The following OSBP2 variants were observed in gnomAD, a reference collection of about 807,000 sequenced individuals.
OSBP2 encodes oxysterol-binding protein 2.
Under a neutral mutation model 96.0 loss-of-function variants are expected in OSBP2, and 66 were observed. The observed-to-expected ratio is 0.69, with a 90% CI of 0.56 to 0.84. OSBP2 has a LOEUF of 0.84. Among genes scored for constraint, OSBP2 ranks in the 40% least tolerant of loss-of-function variants. OSBP2 has a pLI of 0.00. For synonymous variants in OSBP2, 525 were observed against 520.9 expected, an observed-to-expected ratio of 1.01 and a Z score of -0.11; for missense variants, 1,038 against 1,222.7, an observed-to-expected ratio of 0.85 and a Z score of 2.25.
chr22:30,858,389 A>T (rs557032950), intron 2 of OSBP2, among the ~76,000 whole-genome samples: 4 of 147,324 alleles, frequency 2.7e-5, no homozygotes, highest in African/African-American at 7.6e-5. Flanking sequence ...CTCATGATCC[A>T]CCCACCTCGG....
rs530023546 is a variant in OSBP2, at chr22:30,810,613, A to G, written c.854-59816A>G. On this transcript the variant is annotated intron_variant, in intron 2 of 13. Transcript: ENST00000332585. ...GTGAGGTGAGGCCTGCAGCCTGGCC[A>G]GAAGACAGGTACTATACCTGAGCCC... is the stretch of plus-strand genomic sequence containing the variant. Among the ~76,000 whole-genome samples the G allele has an allele frequency of 1.4e-4, 22 of 152,308 alleles. No homozygotes were observed. In the South Asian group the frequency reaches 2.3e-3, roughly 16 times the overall value.
At chr22:30,899,924 C>T (rs1462094330) in intron 12 of OSBP2, among the ~76,000 whole-genome samples, 1 of 152,082 alleles carries the variant, frequency 6.6e-6, no homozygotes, top group Non-Finnish European at 1.5e-5. Context: ...ATACGAAAGC[C>T]AGTTGCATTT....
At chr22:30,773,644 A>T (rs1022301413) in intron 2 of OSBP2, among the ~76,000 whole-genome samples, 2 of 152,140 alleles carry the variant, frequency 1.3e-5, no homozygotes, top group Non-Finnish European at 2.9e-5. Flanking sequence ...GAGAGACTGC[A>T]TGAATGAATG....
At chr22:30,701,344 C>CTTTTTT (rs1228654999) in intron 1 of OSBP2, among the ~76,000 whole-genome samples, 30 of 127,946 alleles carry the variant, frequency 2.3e-4, no homozygotes, top group South Asian at 7.7e-4. Flanking sequence ...TTTTTCTTTT[C>CTTTTTT]TTTTTTTTTT....
chr22:30,695,589 G>T, intron 1 of OSBP2, 36 bp downstream of exon 1: 1 of 1,574,344 alleles, frequency 6.4e-7, no homozygotes, highest in South Asian at 1.2e-5. Context: ...GGGGGTTGGA[G>T]GGTGGTGATG....
At chr22:30,898,676 A>C (rs917796319) in intron 12 of OSBP2, among the ~76,000 whole-genome samples, 1 of 152,018 alleles carries the variant, frequency 6.6e-6, no homozygotes, top group South Asian at 2.1e-4. Flanking sequence ...AACCACCCCC[A>C]TGGTCCAATC....
chr22:30,906,467 T>A lies in OSBP2; in HGVS notation c.*128T>A. ...AGCCCTTCCTATTTCCTTTCCTATT[T>A]TTTTTTTCTCCCCACACTTTCTTGG... On this transcript the variant is annotated 3_prime_UTR_variant, in exon 14 of 14. Coordinates refer to ENST00000332585, the MANE Select transcript of OSBP2 (RefSeq NM_030758.4). 8.3e-7 allele frequency: 1 copy of A among 1,200,350 alleles called. No individual in the cohort carries two copies. The highest frequency in any genetic ancestry group is 1.1e-6 in the Non-Finnish European group (1 of 904,878). 74.4% of individuals were successfully genotyped at this position (1,200,350 alleles called of 1,614,324 possible). A position where few individuals can be genotyped will look rare whatever the true frequency, so the allele number is the denominator to read the frequency against.
intron 2 of OSBP2, among the ~76,000 whole-genome samples, chr22:30,832,348 T>A (rs2038540814): frequency 6.6e-6 from 1 of 151,920 alleles, no homozygotes; most frequent in Non-Finnish European, 1.5e-5. Context: ...TGGAGTGCAG[T>A]GGCATGATCA....
At chr22:30,843,055 A>AC (rs2038787538) in intron 2 of OSBP2, among the ~76,000 whole-genome samples, 1 of 152,140 alleles carries the variant, frequency 6.6e-6, no homozygotes, top group African/African-American at 2.4e-5. Flanking sequence ...AAGTGCTGGG[A>AC]TTACAGGTGT....
intron 2 of OSBP2, among the ~76,000 whole-genome samples, chr22:30,793,284 G>A (rs973869466): frequency 6.6e-6 from 1 of 152,096 alleles, no homozygotes; most frequent in African/African-American, 2.4e-5. Flanking sequence ...CAGCTACTCA[G>A]GAGGCTGAGG....
chr22:30,761,914 C>T (rs1194095334), intron 2 of OSBP2, among the ~76,000 whole-genome samples: 1 of 152,188 alleles, frequency 6.6e-6, no homozygotes, highest in Non-Finnish European at 1.5e-5. Flanking sequence ...TTGATTTATA[C>T]TTCTTATTTA....
At chr22:30,776,372 G>A (rs904169573) in intron 2 of OSBP2, among the ~76,000 whole-genome samples, 2 of 151,992 alleles carry the variant, frequency 1.3e-5, no homozygotes, top group African/African-American at 2.4e-5. Context: ...CGATCTGCCC[G>A]CCCCTGCCTC....
chr22:30,886,108 C>T (rs2039803476), intron 3 of OSBP2, among the ~76,000 whole-genome samples: 1 of 152,240 alleles, frequency 6.6e-6, no homozygotes, highest in Admixed American at 6.5e-5. Context: ...ACAGCCATGA[C>T]ATAGCTCTTG....
intron 2 of OSBP2, chr22:30,822,633 G>A: frequency 6.5e-7 from 1 of 1,532,706 alleles, no homozygotes; most frequent in Non-Finnish European, 8.7e-7. Flanking sequence ...CGCGGGAAAT[G>A]AAGGGACGCG....
intron 2 of OSBP2, among the ~76,000 whole-genome samples, chr22:30,802,470 G>C (rs1211662280): frequency 6.6e-6 from 1 of 152,230 alleles, no homozygotes; most frequent in Non-Finnish European, 1.5e-5. Flanking sequence ...TGGACCATCC[G>C]AGGGCCCCTC....
At chr22:30,718,754 TC>T (rs1383590734) in intron 1 of OSBP2, among the ~76,000 whole-genome samples, 1 of 152,054 alleles carries the variant, frequency 6.6e-6, no homozygotes, top group Non-Finnish European at 1.5e-5. Flanking sequence ...CCCTTTTTTT[TC>T]CCCCTGCCAG....
At chr22:30,857,212 G>A (rs1046069791) in intron 2 of OSBP2, among the ~76,000 whole-genome samples, 1 of 152,104 alleles carries the variant, frequency 6.6e-6, no homozygotes, top group Admixed American at 6.5e-5. Flanking sequence ...GCAGGCATGT[G>A]GGTGCAGGAG....
chr22:30,874,327 G>A (rs1169348683), intron 3 of OSBP2, among the ~76,000 whole-genome samples: 2 of 151,540 alleles, frequency 1.3e-5, no homozygotes, highest in Non-Finnish European at 2.9e-5. Context: ...CAGGAGAATC[G>A]TTTGAACCCA....
At chr22:30,731,304 A>C (rs986927643) in intron 1 of OSBP2, among the ~76,000 whole-genome samples, 1 of 152,150 alleles carries the variant, frequency 6.6e-6, no homozygotes, top group Admixed American at 6.5e-5. Context: ...CCCTTGCTGG[A>C]TGAGACTTCA....
Sources: allele counts gnomAD v4.1 joint callset (sites outside exome capture counted in the v4.1 genomes callset), GRCh38; gene constraint gnomAD v4.1.1; transcripts MANE v1.5; gene names NCBI Gene and HGNC (gene_info 2026-07-23, HGNC 2026-07-21).